Variants in CAMSAP3 observed in about 807,000 individuals in gnomAD.
CAMSAP3 encodes calmodulin-regulated spectrin-associated protein 3.
A neutral mutation model predicts 112.5 loss-of-function variants in CAMSAP3; 34 were observed. That is an observed-to-expected ratio of 0.30 (90% CI 0.23 to 0.40). The LOEUF (loss-of-function observed/expected upper bound fraction) is 0.40, where lower values mean the gene tolerates loss of function less well. Among genes scored for constraint, CAMSAP3 ranks in the 10% least tolerant of loss-of-function variants. The pLI is 1.00. For missense variants in CAMSAP3, 1,602 were observed against 1,770.3 expected, an observed-to-expected ratio of 0.90 and a Z score of 1.71; for synonymous variants, 868 against 799.8, an observed-to-expected ratio of 1.09 and a Z score of -1.44.
intron 11 of CAMSAP3, among the ~76,000 whole-genome samples, chr19:7,614,282 A>AAAAAAAAAAAAAAAAAG (rs1568447672): frequency 6.8e-6 from 1 of 147,130 alleles, no homozygotes; most frequent in African/African-American, 2.5e-5. Context: ...AAAAAAAAAA[A>AAAAAAAAAAAAAAAAAG]AGTGAGCACA....
At chr19:7,605,983 A>G (rs1021476423) in intron 2 of CAMSAP3, among the ~76,000 whole-genome samples, 4 of 151,980 alleles carry the variant, frequency 2.6e-5, no homozygotes, top group African/African-American at 9.7e-5. Context: ...CAGCTCCCCA[A>G]AAAGGCGCTA....
chr19:7,613,215 G>C (rs2146172851), intron 11 of CAMSAP3, 52 bp downstream of exon 11: 4 of 1,127,918 alleles, frequency 3.5e-6, no homozygotes, highest in South Asian at 2.1e-5. Flanking sequence ...GCGGGGGCGG[G>C]TGGGGGCGGG....
chr19:7,615,519 GC>G lies in CAMSAP3; in HGVS notation c.2917del (p.Arg973GlyfsTer16). 3.3e-6 allele frequency: 5 copies of G among 1,536,128 alleles called. No homozygotes were observed. Among genetic ancestry groups the G allele is most frequent in the Non-Finnish European group, 1.7e-6 (2 of 1,143,656 alleles). On this transcript the variant is annotated frameshift_variant, in exon 13 of 17. Coordinates refer to ENST00000160298, the MANE Select transcript of CAMSAP3 (RefSeq NM_020902.2). LOFTEE classifies it high-confidence loss of function. This position sits in a 1 kb window ranked among gnomAD's most constrained non-coding sequence, Gnocchi z 6.5. Reference protein sequence around the residue: ...AARAPAEEEVGPRKGDFTRQE... With the variant: ...AARAPAEEEVXPRKGDFTRQE... ...CGGGCTCCAGCCGAGGAGGAGGTGGGCCCCCGGAAGGGGGACTTCACGCGGC... is the reference window on the plus strand; with the variant it reads ...CGGGCTCCAGCCGAGGAGGAGGTGGGCCCCGGAAGGGGGACTTCACGCGGC...
At chr19:7,608,977 T>C (rs1021251565) in intron 5 of CAMSAP3, among the ~76,000 whole-genome samples, 1 of 151,620 alleles carries the variant, frequency 6.6e-6, no homozygotes, top group African/African-American at 2.4e-5. Flanking sequence ...AGGCAATGGG[T>C]GGTCAGAAAA....
chr19:7,613,201 TG>T, intron 11 of CAMSAP3, 38 bp downstream of exon 11: 1 of 119,762 alleles, frequency 8.3e-6, no homozygotes. Flanking sequence ...GTCCTGGGCC[TG>T]GGGCGGGGGC....
chr19:7,612,757 C>T lies in CAMSAP3; in HGVS notation c.2264C>T (p.Ala755Val), dbSNP rs1219967227. The stretch of plus-strand genomic sequence containing the variant: ...GGCCCCACGACGGGGCCCAAAGCTG[C>T]ATCCCCCAGCCCCGCCCGGCGAGTC... ...IPGPTTGPKAASPSPARRVPA... is the reference protein window; with the variant it reads ...IPGPTTGPKAVSPSPARRVPA... The change falls in exon 11 of 17, where the codon GCA (alanine) becomes GTA (valine). Residue 755 changes from alanine to valine, a missense_variant. Ala to Val is a moderately conservative substitution (Grantham distance 64). Coordinates refer to ENST00000160298, the MANE Select transcript of CAMSAP3 (RefSeq NM_020902.2). 2.6e-6 allele frequency: 4 copies of T among 1,532,218 alleles called. No individual in the cohort carries two copies. Among genetic ancestry groups the T allele is most frequent in the African/African-American group, 2.8e-5 (2 of 72,478 alleles). The allele number at this position is 1,532,218 out of a possible 1,614,324, so 94.9% of individuals were successfully genotyped here.
chr19:7,605,517 T>C (rs1162967409), intron 2 of CAMSAP3, 38 bp downstream of exon 2: 4 of 1,431,782 alleles, frequency 2.8e-6, no homozygotes, highest in African/African-American at 1.5e-5. Context: ...ACGCCTACCA[T>C]GCTCAGCTCC....
chr19:7,612,925 G>A lies in CAMSAP3; in HGVS notation c.2432G>A (p.Arg811His). The A allele has an allele frequency of 1.2e-6, 2 of 1,609,338 alleles. No homozygotes were observed. The highest frequency in any genetic ancestry group is 1.7e-6 in the Non-Finnish European group (2 of 1,179,098). ...PHDVDSLPHL[R>H]KFSPSQVPVQ... Reference sequence around the variant, plus strand: ...GACGTAGACAGCCTCCCCCACCTGCGCAAGTTCTCGCCGAGCCAGGTGCCC... The same window carrying A: ...GACGTAGACAGCCTCCCCCACCTGCACAAGTTCTCGCCGAGCCAGGTGCCC... The change falls in exon 11 of 17, where the codon CGC (arginine) becomes CAC (histidine). Residue 811 changes from arginine (R) to histidine (H), a missense_variant. By Grantham distance (29) the Arg-to-His change is conservative. Around this residue, in one of 6 missense-constraint regions of CAMSAP3, gnomAD observed 1,100 missense variants for 1,135.7 expected, o/e 0.97. Transcript: ENST00000160298.
chr19:7,606,205 C>T lies in CAMSAP3; in HGVS notation c.403-66C>T, dbSNP rs903974956. Reference sequence around the variant, plus strand: ...TCTGCAGGTTCTTCCTTTTCCCAGGCCCTTGGGGGCCGAGGTGCGCCTCCT... The same window carrying T: ...TCTGCAGGTTCTTCCTTTTCCCAGGTCCTTGGGGGCCGAGGTGCGCCTCCT... On this transcript the variant is annotated intron_variant, in intron 2 of 16. Coordinates refer to ENST00000160298, the MANE Select transcript of CAMSAP3 (RefSeq NM_020902.2). 5.6e-5 allele frequency: 83 copies of T among 1,486,500 alleles called. 1 individual carries two copies. The highest frequency in any genetic ancestry group is 6.3e-5 in the Non-Finnish European group (70 of 1,109,984). The allele number at this position is 1,486,500 out of a possible 1,614,324, so 92.1% of individuals were successfully genotyped here. A position where few individuals can be genotyped will look rare whatever the true frequency, so the allele number is the denominator to read the frequency against.
rs2030286423 is a variant in CAMSAP3 at position 7,607,684 on chromosome 19, G to A, written c.622-442G>A. The A allele has an allele frequency of 8.1e-6, 3 of 368,136 alleles. No homozygotes were observed. The highest frequency in any genetic ancestry group is 1.5e-5 in the Non-Finnish European group (3 of 195,896). The allele number at this position is 368,136 out of a possible 1,614,324, so 22.8% of individuals were successfully genotyped here. A position where few individuals can be genotyped will look rare whatever the true frequency, so the allele number is the denominator to read the frequency against. On this transcript the variant is annotated intron_variant, in intron 4 of 16. Coordinates refer to ENST00000160298, the MANE Select transcript of CAMSAP3 (RefSeq NM_020902.2). The surrounding 1 kb of genome is among the most constrained non-coding windows in gnomAD (Gnocchi z 4.9). ...GGGAGGAGCTGGGGTTCGCGAAGCC[G>A]GCCAGAGCAGTCAGGGAGCTGGACG...
rs2030471395 is a variant in CAMSAP3, at chr19:7,611,262, A to G, written c.1123+94A>G. Reference sequence around the variant, plus strand: ...ATGTTGTCTCCTCGTGAGCCTTCCAATAGCCTCTCCATCAGATCCCCCTTG... The same window carrying G: ...ATGTTGTCTCCTCGTGAGCCTTCCAGTAGCCTCTCCATCAGATCCCCCTTG... On this transcript the variant is annotated intron_variant, in intron 9 of 16. Transcript: ENST00000160298. The surrounding 1 kb of genome is among the most constrained non-coding windows in gnomAD (Gnocchi z 6.9). 7.8e-7 allele frequency: 1 copy of G among 1,274,714 alleles called. No individual in the cohort carries two copies. Among genetic ancestry groups the G allele is most frequent in the African/African-American group, 1.5e-5 (1 of 68,092 alleles). The allele number at this position is 1,274,714 out of a possible 1,614,324, so 79.0% of individuals were successfully genotyped here.
chr19:7,605,165 TG>T, intron 1 of CAMSAP3, 60 bp from the exon 2 acceptor site: 1 of 1,121,800 alleles, frequency 8.9e-7, no homozygotes, highest in Non-Finnish European at 1.3e-6. Flanking sequence ...TGTGTGTGTG[TG>T]TGTGTGTGTG....
At chr19:7,613,432 G>C (rs2030615717) in intron 11 of CAMSAP3, among the ~76,000 whole-genome samples, 1 of 150,848 alleles carries the variant, frequency 6.6e-6, no homozygotes, top group Non-Finnish European at 1.5e-5. Flanking sequence ...GATGGGATTT[G>C]ACCCTGTCTG....
In CAMSAP3 at chr19:7,611,909, G is replaced by C. The variant is rs771966691; in HGVS notation, c.1416G>C (p.Arg472=). The change falls in exon 11 of 17, where the codon CGG becomes CGC. Residue 472 remains arginine, a synonymous_variant. Coordinates refer to ENST00000160298, the MANE Select transcript of CAMSAP3 (RefSeq NM_020902.2). This position sits in a 1 kb window ranked among gnomAD's most constrained non-coding sequence, Gnocchi z 6.9. ...ALQIIHSAEP[R]LLPDGAADGS... ...AGATCATCCACAGTGCCGAGCCCCG[G>C]CTCCTCCCAGATGGGGCGGCCGACG... 3 of 1,582,878 alleles carry C rather than the reference G, an allele frequency of 1.9e-6. No individual in the cohort carries two copies. In the African/African-American group the frequency reaches 4.0e-5, roughly 21 times the overall value.
At chr19:7,616,382 C>T in intron 13 of CAMSAP3, 141 bp from the exon 14 acceptor site, 1 of 632,684 alleles carries the variant, frequency 1.6e-6, no homozygotes, top group Non-Finnish European at 2.8e-6. Context: ...ATAGAGGGGT[C>T]CCCCCATAGG....
Position 7,617,477 on chromosome 19 carries a change from A to G in CAMSAP3, c.3325+39A>G. 5 of 1,603,348 alleles carry G rather than the reference A, an allele frequency of 3.1e-6. No individual in the cohort carries two copies. The highest frequency in any genetic ancestry group is 4.3e-6 in the Non-Finnish European group (5 of 1,170,588). On this transcript the variant is annotated intron_variant, in intron 15 of 16. Transcript: ENST00000160298. This position sits in a 1 kb window ranked among gnomAD's most constrained non-coding sequence, Gnocchi z 7.5. ...CTGGGTGATGTGAGGAGCAACAGGC[A>G]CCCTCCTCCACAGCCCCTGCTCATT...
chr19:7,615,615 C>CGGGGTCCG lies in CAMSAP3; in HGVS notation c.3016_3023dup (p.Arg1010ValfsTer35). The CGGGGTCCG allele has an allele frequency of 2.1e-6, 3 of 1,455,410 alleles. No homozygotes were observed. Among genetic ancestry groups the CGGGGTCCG allele is most frequent in the African/African-American group, 1.5e-5 (1 of 68,588 alleles). The allele number at this position is 1,455,410 out of a possible 1,614,324, so 90.2% of individuals were successfully genotyped here. ...GATAAGGTGCTGCGGCCCCGGGCTG[C>CGGGGTCCG]GGGGTCCGGGGGTCCAGGTCGGGGC... On this transcript the variant is annotated frameshift_variant, in exon 13 of 17. Coordinates refer to ENST00000160298, the MANE Select transcript of CAMSAP3 (RefSeq NM_020902.2). LOFTEE classifies it high-confidence loss of function. The surrounding 1 kb of genome is among the most constrained non-coding windows in gnomAD (Gnocchi z 6.5).
chr19:7,616,269 C>T, intron 13 of CAMSAP3: 2 of 423,498 alleles, frequency 4.7e-6, no homozygotes. Context: ...TCTGTGGCTT[C>T]ATGGATAGGA....
At chr19:7,606,700 CT>C in intron 4 of CAMSAP3, 129 bp downstream of exon 4, 1 of 1,593,458 alleles carries the variant, frequency 6.3e-7, no homozygotes, top group Non-Finnish European at 8.6e-7. Context: ...TTCTTCCCCC[CT>C]CTCTCAATCT....
Sources: allele counts gnomAD v4.1 joint callset (sites outside exome capture counted in the v4.1 genomes callset), GRCh38; gene constraint gnomAD v4.1.1; regional missense constraint gnomAD v4.1.1; non-coding constraint Gnocchi (gnomAD v3.1); transcripts MANE v1.5; gene names NCBI Gene and HGNC (gene_info 2026-07-23, HGNC 2026-07-21).